The following CDK5RAP2 variants were observed in gnomAD, a reference collection of about 807,000 sequenced individuals.
CDK5RAP2 encodes CDK5 regulatory subunit associated protein 2, also known as CDK5 regulatory subunit-associated protein 2.
A neutral mutation model predicts 232.9 loss-of-function variants in CDK5RAP2; 147 were observed. The observed-to-expected ratio is 0.63, with a 90% CI of 0.55 to 0.72. The LOEUF (loss-of-function observed/expected upper bound fraction) is 0.72. Among genes scored for constraint, CDK5RAP2 ranks in the 30% least tolerant of loss-of-function variants. CDK5RAP2 has a pLI of 0.00. For synonymous variants in CDK5RAP2, 833 were observed against 833.7 expected, an observed-to-expected ratio of 1.00 and a Z score of 0.01; for missense variants, 2,195 against 2,231.5, an observed-to-expected ratio of 0.98 and a Z score of 0.33.
intron 3 of CDK5RAP2, among the ~76,000 whole-genome samples, chr9:120,563,777 T>C (rs1000499754): frequency 6.6e-6 from 1 of 152,204 alleles, no homozygotes; most frequent in Non-Finnish European, 1.5e-5. Context: ...GAGGGAGCTA[T>C]GATCTGGCAG....
At chr9:120,528,430 G>A (rs576577755) in intron 9 of CDK5RAP2, among the ~76,000 whole-genome samples, 1 of 152,352 alleles carries the variant, frequency 6.6e-6, no homozygotes, top group Admixed American at 6.5e-5. Flanking sequence ...GCCTCCTGCT[G>A]TGACAGAGGA....
intron 3 of CDK5RAP2, among the ~76,000 whole-genome samples, chr9:120,562,173 T>A (rs965019357): frequency 6.6e-6 from 1 of 152,238 alleles, no homozygotes; most frequent in East Asian, 1.9e-4. Context: ...ACTGGGCTGT[T>A]TCCCTAGTAT....
At chr9:120,547,069 C>T (rs1423172436) in intron 4 of CDK5RAP2, among the ~76,000 whole-genome samples, 1 of 152,066 alleles carries the variant, frequency 6.6e-6, no homozygotes, top group Non-Finnish European at 1.5e-5. Context: ...TCACTGCAAC[C>T]TCCACCTCCC....
chr9:120,510,876 T>C (rs1170825613), intron 12 of CDK5RAP2, among the ~76,000 whole-genome samples: 2 of 152,168 alleles, frequency 1.3e-5, no homozygotes, highest in Non-Finnish European at 2.9e-5. Context: ...TCACTGTAAA[T>C]AAGACTACCA....
chr9:120,561,339 CAGGCTAGAGTGCAG>C (rs1220223777), intron 3 of CDK5RAP2, among the ~76,000 whole-genome samples: 1 of 152,084 alleles, frequency 6.6e-6, no homozygotes, highest in Non-Finnish European at 1.5e-5. Context: ...CTCTGTCGCT[CAGGCTAGAGTGCAG>C]TGGCGCATTC....
intron 35 of CDK5RAP2, among the ~76,000 whole-genome samples, chr9:120,395,078 TA>T (rs2032342699): frequency 2.0e-5 from 3 of 152,216 alleles, no homozygotes; most frequent in Non-Finnish European, 4.4e-5. Flanking sequence ...GGTACTTACA[TA>T]TAATACAATA....
At chr9:120,485,381 G>A (rs758027554) in intron 14 of CDK5RAP2, among the ~76,000 whole-genome samples, 5 of 145,152 alleles carry the variant, frequency 3.4e-5, no homozygotes, top group African/African-American at 5.2e-5. Context: ...TGCAACCTCC[G>A]CCTCCGGGGT....
intron 3 of CDK5RAP2, among the ~76,000 whole-genome samples, chr9:120,559,322 C>G (rs1353117239): frequency 2.0e-5 from 3 of 151,476 alleles, no homozygotes; most frequent in African/African-American, 4.9e-5. Flanking sequence ...CCCGTCTCTA[C>G]TAAAAATACA....
intron 30 of CDK5RAP2, 60 bp downstream of exon 30, chr9:120,409,067 C>T: frequency 2.0e-6 from 3 of 1,535,514 alleles, no homozygotes; most frequent in Non-Finnish European, 2.7e-6. Flanking sequence ...TCCACGACTG[C>T]AGCCCAGTGC....
chr9:120,443,899 C>T (rs532060797), intron 22 of CDK5RAP2, among the ~76,000 whole-genome samples, 157 bp from the exon 23 acceptor site: 39 of 152,170 alleles, frequency 2.6e-4, no homozygotes, highest in Non-Finnish European at 4.4e-4. Flanking sequence ...ATCGAGCTGC[C>T]ATAACAGGAC....
At chr9:120,406,926 G>T in intron 32 of CDK5RAP2, 86 bp downstream of exon 32, 1 of 1,017,792 alleles carries the variant, frequency 9.8e-7, no homozygotes, top group Non-Finnish European at 1.5e-6. Context: ...CCTCTGTGGG[G>T]CAAAGGCATC....
At chr9:120,563,998 A>G (rs1297607784) in intron 3 of CDK5RAP2, among the ~76,000 whole-genome samples, 1 of 152,258 alleles carries the variant, frequency 6.6e-6, no homozygotes, top group Non-Finnish European at 1.5e-5. Flanking sequence ...AGGTGTGGAC[A>G]GGATACAGGC....
At chr9:120,547,423 G>A (rs1159109138) in intron 4 of CDK5RAP2, among the ~76,000 whole-genome samples, 1 of 151,992 alleles carries the variant, frequency 6.6e-6, no homozygotes, top group African/African-American at 2.4e-5. Flanking sequence ...GGCCAACATG[G>A]CAAAACACTG....
At chr9:120,565,724 G>A (rs1016574206) in intron 3 of CDK5RAP2, among the ~76,000 whole-genome samples, 15 of 152,048 alleles carry the variant, frequency 9.9e-5, no homozygotes, top group Admixed American at 9.2e-4. Flanking sequence ...TGACCAAACC[G>A]TACCTGTCCC....
intron 6 of CDK5RAP2, among the ~76,000 whole-genome samples, chr9:120,538,167 A>G (rs994117184): frequency 6.6e-6 from 1 of 152,184 alleles, no homozygotes; most frequent in African/African-American, 2.4e-5. Context: ...TTTTGGGCCT[A>G]ATAGCTACAT....
intron 16 of CDK5RAP2, among the ~76,000 whole-genome samples, chr9:120,471,320 C>T (rs530196154): frequency 6.6e-6 from 1 of 152,288 alleles, no homozygotes; most frequent in Non-Finnish European, 1.5e-5. Flanking sequence ...AATGCATATA[C>T]AGCACTAAAA....
rs769152885 is a variant in CDK5RAP2, at chr9:120,409,331, A to T, written c.4415-15T>A. The T allele has an allele frequency of 2.2e-5, 34 of 1,563,830 alleles. No individual in the cohort carries two copies. Among genetic ancestry groups the T allele is most frequent in the Middle Eastern group, 1.7e-4 (1 of 6,006 alleles). On this transcript the variant is annotated splice_polypyrimidine_tract_variant and intron_variant, in intron 29 of 37. Coordinates refer to ENST00000349780, the MANE Select transcript of CDK5RAP2 (RefSeq NM_018249.6). ...CTTCTGTTTATCTGCAAACATAAAA[A>T]GGTGCCACTGAGAAGGGCCACCATT...
chr9:120,565,394 T>A (rs1179726229), intron 3 of CDK5RAP2, among the ~76,000 whole-genome samples: 1 of 152,096 alleles, frequency 6.6e-6, no homozygotes, highest in Non-Finnish European at 1.5e-5. Flanking sequence ...CAAACTCTTC[T>A]CCTCATAGTC....
At chr9:120,561,676 A>G (rs1177713648) in intron 3 of CDK5RAP2, among the ~76,000 whole-genome samples, 1 of 152,212 alleles carries the variant, frequency 6.6e-6, no homozygotes, top group African/African-American at 2.4e-5. Context: ...CTATTTTCAT[A>G]TTCTTTTCAA....
Sources: allele counts gnomAD v4.1 joint callset (sites outside exome capture counted in the v4.1 genomes callset), GRCh38; gene constraint gnomAD v4.1.1; transcripts MANE v1.5; gene names NCBI Gene and HGNC (gene_info 2026-07-23, HGNC 2026-07-21).